JAKMIP1: variants seen among roughly 807,000 people sequenced by gnomAD.
The protein encoded by JAKMIP1 is janus kinase and microtubule-interacting protein 1.
Under a neutral mutation model 113.0 loss-of-function variants are expected in JAKMIP1, and 33 were observed. The observed-to-expected ratio is 0.29, with a 90% CI of 0.22 to 0.39. The LOEUF (loss-of-function observed/expected upper bound fraction) is 0.39. Ranked by LOEUF, JAKMIP1 falls within the 10% of genes least tolerant of loss-of-function variation. The probability of loss-of-function intolerance (pLI) is 1.00; values close to 1 mark genes in which losing one functional copy is unlikely to be tolerated. For synonymous variants in JAKMIP1, 480 were observed against 459.9 expected (o/e 1.04, Z -0.56); for missense variants, 813 against 1,080.5 (o/e 0.75, Z 3.47).
In JAKMIP1 at chr4:6,157,140, G is replaced by C. The variant is rs1722338636; in HGVS notation, c.-148+43113C>G. Among the ~76,000 whole-genome samples the C allele has an allele frequency of 1.3e-5, 2 of 152,194 alleles. No homozygotes were observed. The highest frequency in any genetic ancestry group is 4.1e-4 in the South Asian group (2 of 4,830). ...GAACTCTCTTGCCCTGCTGCCTTCT[G>C]CCATGAGATGTGGCAAGAAGGCCCT... On this transcript the variant is annotated intron_variant, in intron 1 of 20. Coordinates refer to ENST00000409021, the MANE Select transcript of JAKMIP1 (RefSeq NM_001099433.2). The surrounding 1 kb of genome is among the most constrained non-coding windows in gnomAD (Gnocchi z 4.7).
At chr4:6,198,721 G>C (rs1243019315) in intron 1 of JAKMIP1, among the ~76,000 whole-genome samples, 1 of 152,226 alleles carries the variant, frequency 6.6e-6, no homozygotes, top group East Asian at 1.9e-4. Context: ...AGGTCTCCAG[G>C]AGGGTGGAAA....
intron 3 of JAKMIP1, among the ~76,000 whole-genome samples, chr4:6,096,148 T>C (rs1419204128): frequency 6.6e-6 from 1 of 152,196 alleles, no homozygotes; most frequent in Non-Finnish European, 1.5e-5. Context: ...GAGAACAACC[T>C]GCCAAAGGCA....
rs935844745 is a variant in JAKMIP1, at chr4:6,061,383, G to A, written c.1561-876C>T. Among the ~76,000 whole-genome samples, 3 of 152,146 alleles carry A rather than the reference G, an allele frequency of 2.0e-5. No homozygotes were observed. Among genetic ancestry groups the A allele is most frequent in the Non-Finnish European group, 4.4e-5 (3 of 68,028 alleles). On this transcript the variant is annotated intron_variant, in intron 10 of 20. Transcript: ENST00000409021. The surrounding 1 kb of genome is among the most constrained non-coding windows in gnomAD (Gnocchi z 5.3). ...CCTGGCTCCCCGCTACAGGGCCACTGCTGCCCCTGGAACAAACTCCACGTG... is the reference window on the plus strand; with the variant it reads ...CCTGGCTCCCCGCTACAGGGCCACTACTGCCCCTGGAACAAACTCCACGTG...
In JAKMIP1 at chr4:6,133,296, C is replaced by T. The variant is rs1013727716; in HGVS notation, c.-147-20299G>A. 3.3e-5 allele frequency among the ~76,000 whole-genome samples: 5 copies of T among 152,174 alleles called. No homozygotes were observed. The South Asian group carries it at 6.2e-4, about 19-fold the overall frequency. On this transcript the variant is annotated intron_variant, in intron 1 of 20. Coordinates refer to ENST00000409021, the MANE Select transcript of JAKMIP1 (RefSeq NM_001099433.2). The stretch of plus-strand genomic sequence containing the variant: ...CCATTGATAATGGGGATGGTGACTT[C>T]GAGCACAAGCTCTTTGAAAGCCTTA...
chr4:6,085,013 T>C (rs768064277), intron 4 of JAKMIP1, 48 bp from the exon 5 acceptor site: 2 of 1,510,016 alleles, frequency 1.3e-6, no homozygotes, highest in Non-Finnish European at 8.8e-7. Context: ...GTAAATGTAC[T>C]TTGAAGAAGT....
rs989622831 is a variant in JAKMIP1, at chr4:6,154,420, A to T, written c.-147-41423T>A. Among the ~76,000 whole-genome samples the T allele has an allele frequency of 2.0e-5, 3 of 151,958 alleles. No individual in the cohort carries two copies. The highest frequency in any genetic ancestry group is 1.3e-4 in the Admixed American group (2 of 15,250). On this transcript the variant is annotated intron_variant, in intron 1 of 20. Transcript: ENST00000409021. The surrounding 1 kb of genome is among the most constrained non-coding windows in gnomAD (Gnocchi z 4.2). Reference sequence around the variant, plus strand: ...TGGTCCCCTTCCAAGTCCCCATTTCACAACAAGCTAAAAACCGAACAGAAG... The same window carrying T: ...TGGTCCCCTTCCAAGTCCCCATTTCTCAACAAGCTAAAAACCGAACAGAAG...
chr4:6,173,297 G>A (rs146343985), intron 1 of JAKMIP1, among the ~76,000 whole-genome samples: 1 of 152,222 alleles, frequency 6.6e-6, no homozygotes, highest in Non-Finnish European at 1.5e-5. Context: ...AAAATGTAGG[G>A]GAAGGAAAGA....
chr4:6,081,799 G>A lies in JAKMIP1; in HGVS notation c.955-44C>T, dbSNP rs370667555. ...ACAGAGGCTCAGACAACTTGACGAC[G>A]GACGGCCGAGGTCACAGCACCGAGG... On this transcript the variant is annotated intron_variant, in intron 5 of 20. Coordinates refer to ENST00000409021, the MANE Select transcript of JAKMIP1 (RefSeq NM_001099433.2). The surrounding 1 kb of genome is among the most constrained non-coding windows in gnomAD (Gnocchi z 4.6). 119 of 1,611,376 alleles carry A rather than the reference G, an allele frequency of 7.4e-5. No homozygotes were observed. Among genetic ancestry groups the A allele is most frequent in the Non-Finnish European group, 8.8e-5 (104 of 1,178,618 alleles).
At chr4:6,090,280 C>A (rs190895409) in intron 3 of JAKMIP1, among the ~76,000 whole-genome samples, 10 of 151,954 alleles carry the variant, frequency 6.6e-5, no homozygotes, top group African/African-American at 2.2e-4. Flanking sequence ...GAGAAGGCCA[C>A]GTGCAGGCAG....
At chr4:6,098,608 AAAG>A (rs1689939366) in intron 3 of JAKMIP1, among the ~76,000 whole-genome samples, 3 of 147,248 alleles carry the variant, frequency 2.0e-5, no homozygotes, top group Admixed American at 6.7e-5. Flanking sequence ...GAAAGGAAGA[AAAG>A]AAAGAAAAAG....
At chr4:6,124,093 C>T (rs1029312508) in intron 1 of JAKMIP1, among the ~76,000 whole-genome samples, 2 of 152,198 alleles carry the variant, frequency 1.3e-5, no homozygotes, top group African/African-American at 2.4e-5. Flanking sequence ...GTCACTTGCC[C>T]CAGCTCTGCC....
rs543692790 is a variant in JAKMIP1 at position 6,071,280 on chromosome 4, G to C, written c.1303-6272C>G. 4.0e-5 allele frequency among the ~76,000 whole-genome samples: 6 copies of C among 150,904 alleles called. No individual in the cohort carries two copies. The East Asian group carries it at 1.2e-3, about 29-fold the overall frequency. On this transcript the variant is annotated intron_variant, in intron 8 of 20. Transcript: ENST00000409021. ...CCCCAGGCAGTGCAGACCTGAGACA[G>C]CTGGGCCTGGCCCCAGGCAGTGCAG...
At chr4:6,035,269 G>A (rs750607316) in intron 19 of JAKMIP1, among the ~76,000 whole-genome samples, 10 of 152,054 alleles carry the variant, frequency 6.6e-5, no homozygotes, top group South Asian at 2.1e-4. Context: ...CAGTTCTCTC[G>A]TCTGGAAAAT....
intron 1 of JAKMIP1, among the ~76,000 whole-genome samples, chr4:6,177,846 C>G (rs976203757): frequency 6.6e-6 from 1 of 152,206 alleles, no homozygotes; most frequent in African/African-American, 2.4e-5. Context: ...CCTCTGCACA[C>G]GCTGCAGGCT....
intron 1 of JAKMIP1, among the ~76,000 whole-genome samples, chr4:6,115,447 A>G (rs1262374997): frequency 6.6e-6 from 1 of 152,238 alleles, no homozygotes; most frequent in Non-Finnish European, 1.5e-5. Flanking sequence ...TACAATTTAT[A>G]GTTTCAATTG....
rs1298804346 is a variant in JAKMIP1, at chr4:6,051,942, A to G, written c.1807-1263T>C. Among the ~76,000 whole-genome samples the G allele has an allele frequency of 6.6e-6, 1 of 152,202 alleles. No individual in the cohort carries two copies. The highest frequency in any genetic ancestry group is 1.5e-5 in the Non-Finnish European group (1 of 68,042). On this transcript the variant is annotated intron_variant, in intron 13 of 20. Transcript: ENST00000409021. The surrounding 1 kb of genome is among the most constrained non-coding windows in gnomAD (Gnocchi z 5.0). The stretch of plus-strand genomic sequence containing the variant: ...GCTTTAGTTTGAGCAGAGTTACGGT[A>G]AGGTAAAAAATAACATGCTTTGGGC...
rs1016504801 is a variant in JAKMIP1 at position 6,088,108 on chromosome 4, A to T, written c.625-2479T>A. The stretch of plus-strand genomic sequence containing the variant: ...AAGCACGCTTTCATTAACTCAACAC[A>T]TGCTGAGCTGAGCGCTATCAGTGGG... On this transcript the variant is annotated intron_variant, in intron 3 of 20. Coordinates refer to ENST00000409021, the MANE Select transcript of JAKMIP1 (RefSeq NM_001099433.2). The surrounding 1 kb of genome is among the most constrained non-coding windows in gnomAD (Gnocchi z 5.5). Among the ~76,000 whole-genome samples the T allele has an allele frequency of 3.3e-5, 5 of 152,228 alleles. No individual in the cohort carries two copies. The highest frequency in any genetic ancestry group is 9.6e-5 in the African/African-American group (4 of 41,462).
Position 6,029,766 on chromosome 4 carries a change from C to G in JAKMIP1, c.2395G>C (p.Glu799Gln). Reference protein sequence around the residue: ...QQAQQRIRELEDKLEFQKRHL... With the variant: ...QQAQQRIRELQDKLEFQKRHL... ...CGCTTCTGAAACTCCAGTTTGTCCT[C>G]CAGTTCTCGGATTCTCTGAAATACA... Residue 799 changes from glutamate (E) to glutamine (Q), a missense_variant, in exon 20 of 21, where the codon GAG (glutamate) becomes CAG (glutamine). By Grantham distance (29) the Glu-to-Gln change is conservative (BLOSUM62 2). Transcript: ENST00000409021. 1 of 1,604,322 alleles carries G rather than the reference C, an allele frequency of 6.2e-7. No individual in the cohort carries two copies. Among genetic ancestry groups the G allele is most frequent in the Non-Finnish European group, 8.5e-7 (1 of 1,175,172 alleles).
chr4:6,167,770 C>T lies in JAKMIP1; in HGVS notation c.-148+32483G>A, dbSNP rs773648009. On this transcript the variant is annotated intron_variant, in intron 1 of 20. Transcript: ENST00000409021. This position sits in a 1 kb window ranked among gnomAD's most constrained non-coding sequence, Gnocchi z 5.3. ...TGCCCAAGGGCACGCGGCTTTTCCA[C>T]GGCTCTATGGCTGTCTTAAATTTCA... is the stretch of plus-strand genomic sequence containing the variant. Among the ~76,000 whole-genome samples the T allele has an allele frequency of 2.0e-5, 3 of 152,204 alleles. No homozygotes were observed. Among genetic ancestry groups the T allele is most frequent in the African/African-American group, 2.4e-5 (1 of 41,440 alleles).
Sources: allele counts gnomAD v4.1 joint callset (sites outside exome capture counted in the v4.1 genomes callset), GRCh38; gene constraint gnomAD v4.1.1; non-coding constraint Gnocchi (gnomAD v3.1); transcripts MANE v1.5; gene names NCBI Gene and HGNC (gene_info 2026-07-23, HGNC 2026-07-21).